PLEKHD1: variants seen among roughly 807,000 people sequenced by gnomAD.
The protein encoded by PLEKHD1 is pleckstrin homology and coiled-coil domain containing D1, also known as pleckstrin homology domain-containing family D member 1.
Under a neutral mutation model 69.2 loss-of-function variants are expected in PLEKHD1, and 51 were observed. That is an observed-to-expected ratio of 0.74 (90% confidence interval 0.59 to 0.93). The LOEUF (loss-of-function observed/expected upper bound fraction) is 0.93. Among genes scored for constraint, PLEKHD1 ranks in the 40% least tolerant of loss-of-function variants. The pLI, the probability that PLEKHD1 is intolerant of heterozygous loss-of-function variation, is 0.00. For missense variants in PLEKHD1, 584 were observed against 641.0 expected, an observed-to-expected ratio of 0.91 and a Z score of 0.96; for synonymous variants, 236 against 244.7, an observed-to-expected ratio of 0.96 and a Z score of 0.33.
intron 1 of PLEKHD1, among the ~76,000 whole-genome samples, chr14:69,488,469 C>T (rs1281241643): frequency 2.0e-5 from 3 of 152,170 alleles, no homozygotes; most frequent in African/African-American, 7.2e-5. Flanking sequence ...TGGCATTTCC[C>T]TCAGCTGGCT....
At chr14:69,488,920 G>A (rs865807019) in intron 1 of PLEKHD1, among the ~76,000 whole-genome samples, 2 of 152,082 alleles carry the variant, frequency 1.3e-5, no homozygotes, top group Admixed American at 6.6e-5. Context: ...TTCCCTTTCT[G>A]TGCTGGTAGC....
At chr14:69,496,702 A>T (rs956663693) in intron 1 of PLEKHD1, among the ~76,000 whole-genome samples, 5 of 112,914 alleles carry the variant, frequency 4.4e-5, no homozygotes, top group African/African-American at 1.5e-4. Flanking sequence ...TGCCCAGCTA[A>T]TTTTTTTTTT....
intron 8 of PLEKHD1, 21 bp from the exon 9 acceptor site, chr14:69,525,923 C>T: frequency 6.5e-7 from 1 of 1,539,790 alleles, no homozygotes. Context: ...CTTTTCTTTT[C>T]CTTGCCTCCC....
At chr14:69,527,126 G>T in intron 10 of PLEKHD1, 62 bp from the exon 11 acceptor site, 1 of 1,473,226 alleles carries the variant, frequency 6.8e-7, no homozygotes, top group Non-Finnish European at 9.0e-7. Context: ...AAGGCTTCCA[G>T]GGAAGATGGC....
intron 10 of PLEKHD1, 112 bp downstream of exon 10, chr14:69,526,941 C>A: frequency 7.1e-7 from 1 of 1,404,742 alleles, no homozygotes; most frequent in Non-Finnish European, 9.4e-7. Flanking sequence ...TCTGACCAGA[C>A]AGCCAGGCAT....
At position 69,526,739 on chromosome 14, in the gene PLEKHD1, G is replaced by A. The variant is rs1883657493; in HGVS notation, c.966G>A (p.Glu322=). Residue 322 remains glutamate, a synonymous_variant, in exon 10 of 13, where the codon GAG becomes GAA. Transcript: ENST00000322564. ...AGCGCTCACGGGCCCTGGAGGAGGA[G>A]CGTGAGTTCTACTCCAGCCAGTCCC... The part of the protein sequence containing the change: ...NEERSRALEE[E]REFYSSQSQA... 6.5e-7 allele frequency: 1 copy of A among 1,548,302 alleles called. No individual in the cohort carries two copies. The highest frequency in any genetic ancestry group is 8.7e-7 in the Non-Finnish European group (1 of 1,145,364).
chr14:69,498,164 A>C (rs1882934090), intron 1 of PLEKHD1, among the ~76,000 whole-genome samples: 2 of 149,850 alleles, frequency 1.3e-5, no homozygotes, highest in African/African-American at 5.0e-5. Context: ...TGCTCACTGC[A>C]ACCTCCTGGG....
chr14:69,525,709 C>T (rs555095718), intron 8 of PLEKHD1, among the ~76,000 whole-genome samples: 20 of 152,266 alleles, frequency 1.3e-4, no homozygotes, highest in African/African-American at 3.9e-4. Context: ...TAGTAGGTGC[C>T]GTCTCCACTG....
chr14:69,484,905 C>A lies in PLEKHD1; in HGVS notation c.-61C>A, dbSNP rs916860227. The A allele has an allele frequency of 1.3e-5, 20 of 1,526,930 alleles. No homozygotes were observed. The highest frequency in any genetic ancestry group is 2.0e-5 in the Admixed American group (1 of 49,830). The allele number at this position is 1,526,930 out of a possible 1,614,324, so 94.6% of individuals were successfully genotyped here. ...ACGGCTCCGCCCTCGCCTCTCGCCC[C>A]GAGTCCCTGCTGACCCCGGGGAGGT... On this transcript the variant is annotated 5_prime_UTR_variant, in exon 1 of 13. Transcript: ENST00000322564.
At chr14:69,505,829 C>T (rs1214108656) in intron 6 of PLEKHD1, among the ~76,000 whole-genome samples, 1 of 152,178 alleles carries the variant, frequency 6.6e-6, no homozygotes, top group Non-Finnish European at 1.5e-5. Context: ...ACCCTCCTGA[C>T]TCATCTTCCC....
At chr14:69,501,961 C>T (rs541691429) in intron 5 of PLEKHD1, 136 bp downstream of exon 5, 1 of 710,124 alleles carries the variant, frequency 1.4e-6, no homozygotes, top group African/African-American at 1.8e-5. Context: ...CAGTTTGGCA[C>T]CTGGAGGGCT....
At position 69,485,003 on chromosome 14, in the gene PLEKHD1, C is replaced by G. The variant is rs1483308070; in HGVS notation, c.38C>G (p.Pro13Arg). ...AAGTCCAACTCGGTGTCGCCCTCGC[C>G]GTCCCTGGAGCAGGCTGACTCGGAC... is the stretch of plus-strand genomic sequence containing the variant. ...TSKSNSVSPSPSLEQADSDAL... is the reference protein window; with the variant it reads ...TSKSNSVSPSRSLEQADSDAL... Residue 13 changes from proline (P) to arginine (R), a missense_variant, in exon 1 of 13, where the codon CCG (proline) becomes CGG (arginine). Physicochemically the swap from Pro to Arg is moderately radical, Grantham distance 103 (BLOSUM62 -2). Coordinates refer to ENST00000322564, the MANE Select transcript of PLEKHD1 (RefSeq NM_001161498.2). 2.6e-5 allele frequency: 41 copies of G among 1,551,218 alleles called. No individual in the cohort carries two copies. The highest frequency in any genetic ancestry group is 3.0e-5 in the Non-Finnish European group (34 of 1,146,892).
chr14:69,498,662 T>TCTTCTCTTCTCTTCTCTTCTCTTCTC (rs1566557403), intron 1 of PLEKHD1, among the ~76,000 whole-genome samples: 9 of 135,260 alleles, frequency 6.7e-5, no homozygotes, highest in East Asian at 4.4e-4. Context: ...TCTTCTCTTC[T>TCTTCTCTTCTCTTCTCTTCTCTTCTC]TTGAGATGGA....
rs1426884174 is a variant in PLEKHD1, at chr14:69,528,277, C to T, written c.1379C>T (p.Ser460Phe). Residue 460 changes from serine (S) to phenylalanine (F), a missense_variant, in exon 13 of 13, where the codon TCC becomes TTC. By Grantham distance (155) the Ser-to-Phe change is radical. Transcript: ENST00000322564. ...AAGCCGTCCCAGTCCTTCATGACCT[C>T]CCAGCTGGATGCCAACAACATGGAG... ...DMKPSQSFMTSQLDANNMEEL... is the reference protein window; with the variant it reads ...DMKPSQSFMTFQLDANNMEEL... The T allele has an allele frequency of 2.6e-6, 4 of 1,551,742 alleles. No homozygotes were observed. The highest frequency in any genetic ancestry group is 3.5e-6 in the Non-Finnish European group (4 of 1,146,994).
Position 69,500,569 on chromosome 14 carries a change from T to C in PLEKHD1, c.244-8T>C. On this transcript the variant is annotated splice_polypyrimidine_tract_variant and splice_region_variant and intron_variant, in intron 2 of 12. Coordinates refer to ENST00000322564, the MANE Select transcript of PLEKHD1 (RefSeq NM_001161498.2). ...GGGTGGGGGCTGCCTGTTCTGGTTCTTCCTCAGGGCGTCATCCCTCTGGGG... is the reference window on the plus strand; with the variant it reads ...GGGTGGGGGCTGCCTGTTCTGGTTCCTCCTCAGGGCGTCATCCCTCTGGGG... 3 of 1,545,568 alleles carry C rather than the reference T, an allele frequency of 1.9e-6. No homozygotes were observed. The highest frequency in any genetic ancestry group is 2.6e-6 in the Non-Finnish European group (3 of 1,143,968).
intron 4 of PLEKHD1, chr14:69,501,266 G>C: frequency 2.3e-6 from 1 of 429,076 alleles, no homozygotes; most frequent in East Asian, 4.4e-5. Context: ...AAGGACTAGA[G>C]CTAGTGCTTT....
the PLEKHD1 span, among the ~76,000 whole-genome samples, chr14:69,470,628 A>G: frequency 6.6e-6 from 1 of 152,114 alleles, no homozygotes; most frequent in Non-Finnish European, 1.5e-5. Flanking sequence ...TGGAAAAAGC[A>G]CCTTGGAAGA....
At chr14:69,494,201 A>G (rs140929474) in intron 1 of PLEKHD1, among the ~76,000 whole-genome samples, 59 of 152,340 alleles carry the variant, frequency 3.9e-4, no homozygotes, top group African/African-American at 1.3e-3. Context: ...TGACAGCTCT[A>G]TGAGATATAG....
At chr14:69,520,498 G>T (rs990875832) in intron 6 of PLEKHD1, among the ~76,000 whole-genome samples, 2 of 152,122 alleles carry the variant, frequency 1.3e-5, no homozygotes, top group African/African-American at 4.8e-5. Flanking sequence ...GGAGGCCAAG[G>T]TGGGCAGATC....
Sources: allele counts gnomAD v4.1 joint callset (sites outside exome capture counted in the v4.1 genomes callset), GRCh38; gene constraint gnomAD v4.1.1; transcripts MANE v1.5; gene names NCBI Gene and HGNC (gene_info 2026-07-23, HGNC 2026-07-21).